AFF2: variants seen among roughly 807,000 people sequenced by gnomAD.
AFF2 encodes the protein ALF transcription elongation factor 2.
A neutral mutation model predicts 76.9 loss-of-function variants in AFF2; 14 were observed. The ratio of observed to expected loss-of-function variants is 0.18; its 90% CI spans 0.12 to 0.28. The LOEUF is 0.28. AFF2 is among the 10% of genes least tolerant of loss of function. AFF2 has a pLI of 1.00. For synonymous variants in AFF2, 398 were observed against 366.7 expected, an observed-to-expected ratio of 1.09 and a Z score of -0.98; for missense variants, 868 against 1,001.1, an observed-to-expected ratio of 0.87 and a Z score of 1.79.
At chrX:148,663,632 G>A (rs782501374) in intron 3 of AFF2, among the ~76,000 whole-genome samples, 6 of 112,358 alleles carry the variant, frequency 5.3e-5, no homozygotes, top group Admixed American at 3.7e-4. Flanking sequence ...CACCTCAAGC[G>A]TTTGATTGGA....
intron 3 of AFF2, among the ~76,000 whole-genome samples, chrX:148,706,934 T>C (rs1203651406): frequency 6.2e-5 from 7 of 112,519 alleles, no homozygotes; most frequent in African/African-American, 2.3e-4. Flanking sequence ...CAGTAGTCTA[T>C]CGTTTCTTTT....
intron 1 of AFF2, among the ~76,000 whole-genome samples, chrX:148,514,891 A>T (rs1235000658): frequency 8.9e-6 from 1 of 111,758 alleles, no homozygotes; most frequent in African/African-American, 3.3e-5. Context: ...CATCTGATAA[A>T]TTTTCAGATT....
At chrX:148,958,931 T>C (rs2072074347) in intron 12 of AFF2, among the ~76,000 whole-genome samples, 1 of 108,111 alleles carries the variant, frequency 9.2e-6, no homozygotes, top group South Asian at 4.2e-4. Context: ...TGTCATTACT[T>C]AACATTCATA....
At chrX:148,756,799 G>A (rs1186860570) in intron 3 of AFF2, among the ~76,000 whole-genome samples, 4 of 112,760 alleles carry the variant, frequency 3.5e-5, no homozygotes, top group African/African-American at 1.3e-4. Context: ...GTGCATGCTT[G>A]CAAGTTAGCA....
intron 3 of AFF2, among the ~76,000 whole-genome samples, chrX:148,703,725 C>A (rs915388685): frequency 9.0e-6 from 1 of 111,420 alleles, no homozygotes; most frequent in African/African-American, 3.3e-5. Flanking sequence ...TATGCTAATC[C>A]TTCCCAAATC....
intron 3 of AFF2, among the ~76,000 whole-genome samples, chrX:148,765,709 T>G (rs1369073471): frequency 9.1e-6 from 1 of 110,145 alleles, no homozygotes; most frequent in African/African-American, 3.3e-5. Context: ...TTTATTTTAT[T>G]TATTGTTATT....
intron 3 of AFF2, among the ~76,000 whole-genome samples, chrX:148,709,764 G>C (rs2084597665): frequency 9.0e-6 from 1 of 111,693 alleles, no homozygotes; most frequent in Admixed American, 9.5e-5. Flanking sequence ...TTATTCCAAA[G>C]TTTGCATGTT....
chrX:148,559,814 A>G lies in AFF2; in HGVS notation c.47+58670A>G, dbSNP rs782710308. Among the ~76,000 whole-genome samples the G allele has an allele frequency of 2.9e-3, 321 of 111,471 alleles. 1 individual carries two copies. Among genetic ancestry groups the G allele is most frequent in the Non-Finnish European group, 5.1e-3 (273 of 53,045 alleles). Reference sequence around the variant, plus strand: ...CCTAGTAATGGGATTGCTGGGTCAAATGGTATTTCTAGTTCTAGATCCTTG... The same window carrying G: ...CCTAGTAATGGGATTGCTGGGTCAAGTGGTATTTCTAGTTCTAGATCCTTG... On this transcript the variant is annotated intron_variant, in intron 1 of 20. Transcript: ENST00000370460.
chrX:148,530,850 A>C (rs2052721493), intron 1 of AFF2, among the ~76,000 whole-genome samples: 1 of 111,843 alleles, frequency 8.9e-6, no homozygotes, highest in Non-Finnish European at 1.9e-5. Context: ...TGAAAGCTTA[A>C]GACCATCCTG....
In AFF2 at chrX:148,905,349, T is replaced by C. The variant is rs782159795; in HGVS notation, c.1397+1091T>C. ...GAGGGGCATCCGTAGTCTGGAGATA[T>C]ATTATGTTGTAGTCTTATGGAAGTA... is the stretch of plus-strand genomic sequence containing the variant. On this transcript the variant is annotated intron_variant, in intron 9 of 20. Coordinates refer to ENST00000370460, the MANE Select transcript of AFF2 (RefSeq NM_002025.4). Among the ~76,000 whole-genome samples, 5 of 111,915 alleles carry C rather than the reference T, an allele frequency of 4.5e-5. No homozygotes were observed. The South Asian group carries it at 1.5e-3, about 34-fold the overall frequency.
chrX:148,560,312 G>T (rs908442658), intron 1 of AFF2, among the ~76,000 whole-genome samples: 37 of 111,395 alleles, frequency 3.3e-4, no homozygotes, highest in African/African-American at 1.2e-3. Context: ...TTCCCTGTTG[G>T]AAAAACTGGC....
intron 4 of AFF2, among the ~76,000 whole-genome samples, chrX:148,834,015 G>C (rs925004173): frequency 1.2e-4 from 14 of 112,199 alleles, no homozygotes. Context: ...ATACCTGCAA[G>C]TGGTTTTGGA....
chrX:148,806,838 C>T (rs782548003), intron 3 of AFF2, among the ~76,000 whole-genome samples: 1 of 112,165 alleles, frequency 8.9e-6, no homozygotes, highest in Admixed American at 9.5e-5. Context: ...TACCAACTCT[C>T]CATGCTTTGC....
intron 3 of AFF2, among the ~76,000 whole-genome samples, chrX:148,709,798 T>G (rs137909157): frequency 8.9e-6 from 1 of 111,917 alleles, no homozygotes; most frequent in South Asian, 3.7e-4. Flanking sequence ...AAGGCATTAT[T>G]ACTTATCTCG....
Position 148,710,112 on chromosome X carries a change from T to G in AFF2, c.1041+47344T>G, listed in dbSNP as rs782520045. Among the ~76,000 whole-genome samples the G allele has an allele frequency of 1.7e-4, 19 of 111,801 alleles. No individual in the cohort carries two copies. The East Asian group carries it at 2.5e-3, about 15-fold the overall frequency. On this transcript the variant is annotated intron_variant, in intron 3 of 20. Coordinates refer to ENST00000370460, the MANE Select transcript of AFF2 (RefSeq NM_002025.4). ...TGGAGACCCTGTTAAATAAAGTAAATTGCCCAAAGCCAGACACAATTTCTA... is the reference window on the plus strand; with the variant it reads ...TGGAGACCCTGTTAAATAAAGTAAAGTGCCCAAAGCCAGACACAATTTCTA...
At chrX:148,787,716 G>C (rs2069840184) in intron 3 of AFF2, among the ~76,000 whole-genome samples, 1 of 112,052 alleles carries the variant, frequency 8.9e-6, no homozygotes, top group African/African-American at 3.2e-5. Flanking sequence ...TGACATAGAT[G>C]GGAAAATCAG....
In AFF2 at chrX:148,650,702, G is replaced by T. The variant is rs530270990; in HGVS notation, c.48-1297G>T. Among the ~76,000 whole-genome samples the T allele has an allele frequency of 6.3e-5, 7 of 111,825 alleles. No individual in the cohort carries two copies. In the South Asian group the frequency reaches 2.2e-3, roughly 36 times the overall value. On this transcript the variant is annotated intron_variant, in intron 1 of 20. Transcript: ENST00000370460. ...GAAAAGTGGATGATTAAGTGTAGTGGCATTGTACACTCCATGTTTATCAAC... is the reference window on the plus strand; with the variant it reads ...GAAAAGTGGATGATTAAGTGTAGTGTCATTGTACACTCCATGTTTATCAAC...
chrX:148,824,449 G>A (rs2070363772), intron 4 of AFF2, among the ~76,000 whole-genome samples: 1 of 111,840 alleles, frequency 8.9e-6, no homozygotes. Context: ...ATGTGAGTTG[G>A]TGGACATATT....
intron 1 of AFF2, among the ~76,000 whole-genome samples, chrX:148,529,340 A>T (rs1377608371): frequency 1.8e-5 from 2 of 111,871 alleles, no homozygotes; most frequent in African/African-American, 6.5e-5. Context: ...GCAGTGTGTT[A>T]TCATTAAAGG....
Sources: gnomAD v4.1 joint callset for allele counts (sites outside exome capture counted in the v4.1 genomes callset) on GRCh38, gnomAD v4.1.1 for gene constraint, MANE v1.5 for transcripts, NCBI Gene and HGNC (gene_info 2026-07-23, HGNC 2026-07-21) for gene names.